The following TRABD2A variants were observed in gnomAD, a reference collection of about 807,000 sequenced individuals.
The protein encoded by TRABD2A is metalloprotease TIKI1.
In TRABD2A, 43 loss-of-function variants were observed where a neutral mutation model predicts 45.6. The ratio of observed to expected loss-of-function variants is 0.94; its 90% CI spans 0.74 to 1.22. TRABD2A has a LOEUF of 1.22. Among genes scored for constraint, TRABD2A ranks in the 50% most tolerant of loss-of-function variants. TRABD2A has a pLI of 0.00. For missense variants in TRABD2A, 642 were observed against 652.4 expected (o/e 0.98, Z 0.17); for synonymous variants, 269 against 265.0 (o/e 1.02, Z -0.15).
At chr2:84,831,949 G>T in intron 5 of TRABD2A, 106 bp downstream of exon 5, 1 of 1,097,288 alleles carries the variant, frequency 9.1e-7, no homozygotes, top group Non-Finnish European at 1.4e-6. Flanking sequence ...GAAATGACGA[G>T]GCAGGGGTTC....
intron 1 of TRABD2A, among the ~76,000 whole-genome samples, chr2:84,871,159 A>G (rs1302983692): frequency 6.6e-6 from 1 of 152,182 alleles, no homozygotes; most frequent in Non-Finnish European, 1.5e-5. Context: ...TGATTCCAAG[A>G]TGAGAAAGCA....
chr2:84,838,140 G>A (rs1681583364), intron 4 of TRABD2A: 1 of 688,342 alleles, frequency 1.5e-6, no homozygotes, highest in Non-Finnish European at 2.7e-6. Flanking sequence ...TGGAGCTTTG[G>A]AGGAACTTTG....
chr2:84,844,750 AG>A (rs1298086137), intron 2 of TRABD2A, among the ~76,000 whole-genome samples: 12 of 152,230 alleles, frequency 7.9e-5, no homozygotes, highest in African/African-American at 2.7e-4. Flanking sequence ...AACACCTATC[AG>A]GTATGCCTGG....
chr2:84,831,182 T>C (rs1681321720), intron 5 of TRABD2A, among the ~76,000 whole-genome samples: 2 of 146,778 alleles, frequency 1.4e-5, no homozygotes, highest in African/African-American at 5.2e-5. Context: ...AGGCCAGGGA[T>C]GCTCGCTTAC....
At chr2:84,835,954 G>A (rs1364226893) in intron 4 of TRABD2A, 1 of 152,148 alleles carries the variant, frequency 6.6e-6, no homozygotes, top group Non-Finnish European at 1.5e-5. Context: ...GGAACATTCA[G>A]ACCACAGCAA....
intron 2 of TRABD2A, among the ~76,000 whole-genome samples, chr2:84,842,739 A>T (rs906808226): frequency 1.3e-5 from 2 of 151,584 alleles, no homozygotes; most frequent in Non-Finnish European, 2.9e-5. Flanking sequence ...AAAAAAAAAA[A>T]AGAAAAGAAA....
chr2:84,865,737 A>G (rs1451283600), intron 2 of TRABD2A, among the ~76,000 whole-genome samples: 1 of 152,138 alleles, frequency 6.6e-6, no homozygotes, highest in Non-Finnish European at 1.5e-5. Context: ...AGGCATTGCA[A>G]TTCCCTATGC....
chr2:84,877,024 T>G (rs912112724), intron 1 of TRABD2A, among the ~76,000 whole-genome samples: 170 of 152,332 alleles, frequency 1.1e-3, no homozygotes, highest in Non-Finnish European at 5.6e-4. Flanking sequence ...AATCTTATCT[T>G]GTACAATTTC....
chr2:84,875,540 T>A (rs911915796), intron 1 of TRABD2A, among the ~76,000 whole-genome samples: 1 of 152,084 alleles, frequency 6.6e-6, no homozygotes, highest in African/African-American at 2.4e-5. Flanking sequence ...CTAGCCCAGG[T>A]TTTTGAGAGA....
chr2:84,847,426 C>T (rs1681936049), intron 2 of TRABD2A, among the ~76,000 whole-genome samples: 1 of 152,178 alleles, frequency 6.6e-6, no homozygotes, highest in African/African-American at 2.4e-5. Flanking sequence ...GTTAAGTTGA[C>T]CCCAGGGCGT....
rs908928567 is a variant in TRABD2A at position 84,821,911 on chromosome 2, C to CA, written c.*5dup. 1 of 1,581,712 alleles carries CA rather than the reference C, an allele frequency of 6.3e-7. No individual in the cohort carries two copies. Among genetic ancestry groups the CA allele is most frequent in the Non-Finnish European group, 8.6e-7 (1 of 1,163,216 alleles). The stretch of plus-strand genomic sequence containing the variant: ...GGTCAGGTTCTTAGCCTGGTGCTTC[C>CA]AGTCGTTACAGGAGGGGTGTCTCTG... On this transcript the variant is annotated 3_prime_UTR_variant, in exon 7 of 7. Transcript: ENST00000409520.
At chr2:84,851,654 A>T (rs555225694) in intron 2 of TRABD2A, among the ~76,000 whole-genome samples, 11 of 152,248 alleles carry the variant, frequency 7.2e-5, no homozygotes, top group Non-Finnish European at 1.5e-4. Flanking sequence ...GTGTTTGCAC[A>T]CATGCATAAT....
At chr2:84,831,015 G>A (rs536609784) in intron 5 of TRABD2A, among the ~76,000 whole-genome samples, 1 of 152,234 alleles carries the variant, frequency 6.6e-6, no homozygotes, top group Non-Finnish European at 1.5e-5. Context: ...GGAATGGAGG[G>A]GATATTAGGG....
chr2:84,823,067 C>T (rs191332727), intron 6 of TRABD2A, among the ~76,000 whole-genome samples: 239 of 152,212 alleles, frequency 1.6e-3, no homozygotes, highest in African/African-American at 5.4e-3. Flanking sequence ...CTGTGCAGGC[C>T]CTGAATCCCT....
chr2:84,845,077 G>A (rs1161075514), intron 2 of TRABD2A, among the ~76,000 whole-genome samples: 4 of 152,192 alleles, frequency 2.6e-5, no homozygotes, highest in African/African-American at 4.8e-5. Context: ...TAGGCCAGGC[G>A]CGGTGGCTCA....
At chr2:84,827,817 TG>T (rs1370856576) in intron 5 of TRABD2A, among the ~76,000 whole-genome samples, 1 of 152,168 alleles carries the variant, frequency 6.6e-6, no homozygotes, top group African/African-American at 2.4e-5. Flanking sequence ...GCAATATTGC[TG>T]GCTTTGAAGA....
At chr2:84,871,125 G>A (rs1281276078) in intron 1 of TRABD2A, among the ~76,000 whole-genome samples, 3 of 152,074 alleles carry the variant, frequency 2.0e-5, no homozygotes, top group African/African-American at 4.8e-5. Context: ...AAAGGGGATG[G>A]GACCCCCTTT....
intron 2 of TRABD2A, among the ~76,000 whole-genome samples, chr2:84,852,549 G>A (rs906982489): frequency 2.0e-5 from 3 of 152,158 alleles, no homozygotes; most frequent in Non-Finnish European, 2.9e-5. Context: ...TGCTAGCTTG[G>A]CTATCAGCAG....
chr2:84,833,329 G>A (rs917213157), intron 4 of TRABD2A: 3 of 152,072 alleles, frequency 2.0e-5, no homozygotes, highest in Admixed American at 6.5e-5. Context: ...ATTTAAGATC[G>A]ACACCTAAAT....
Sources: allele counts gnomAD v4.1 joint callset (sites outside exome capture counted in the v4.1 genomes callset), GRCh38; gene constraint gnomAD v4.1.1; transcripts MANE v1.5; gene names NCBI Gene and HGNC (gene_info 2026-07-23, HGNC 2026-07-21).